The following BRINP3 variants were observed in gnomAD, a reference collection of about 807,000 sequenced individuals.
BRINP3 encodes BMP/retinoic acid-inducible neural-specific protein 3.
BRINP3 carries 19 observed loss-of-function variants against 71.0 expected under a neutral mutation model. The observed-to-expected ratio is 0.27, with a 90% CI of 0.19 to 0.39. The LOEUF (loss-of-function observed/expected upper bound fraction) is 0.39, where lower values mean the gene tolerates loss of function less well. Ranked by LOEUF, BRINP3 falls within the 10% of genes least tolerant of loss-of-function variation. The probability of loss-of-function intolerance (pLI) is 1.00; values close to 1 mark genes in which losing one functional copy is unlikely to be tolerated. For missense variants in BRINP3, 959 were observed against 940.8 expected, an observed-to-expected ratio of 1.02 and a Z score of -0.25; for synonymous variants, 380 against 337.7, an observed-to-expected ratio of 1.13 and a Z score of -1.37.
At chr1:190,403,282 T>C (rs1250848120) in intron 2 of BRINP3, among the ~76,000 whole-genome samples, 1 of 152,188 alleles carries the variant, frequency 6.6e-6, no homozygotes, top group Non-Finnish European at 1.5e-5. Context: ...ATGTGTCAAA[T>C]TAAGAAATTC....
chr1:190,324,024 C>T (rs551023868), intron 2 of BRINP3, among the ~76,000 whole-genome samples: 3 of 151,736 alleles, frequency 2.0e-5, no homozygotes, highest in Non-Finnish European at 4.4e-5. Context: ...TGCTTTTTGT[C>T]CATTTACAGG....
chr1:190,369,610 T>G (rs866904601), intron 2 of BRINP3, among the ~76,000 whole-genome samples: 1 of 151,810 alleles, frequency 6.6e-6, no homozygotes, highest in Non-Finnish European at 1.5e-5. Flanking sequence ...ACAATGTGTT[T>G]TCTAAAATAC....
intron 6 of BRINP3, among the ~76,000 whole-genome samples, chr1:190,179,118 AAT>A (rs1022781859): frequency 7.2e-5 from 11 of 152,140 alleles, no homozygotes; most frequent in African/African-American, 2.7e-4. Flanking sequence ...GGAGGCCCTT[AAT>A]ATATTTAAGT....
intron 2 of BRINP3, among the ~76,000 whole-genome samples, chr1:190,411,408 A>G (rs1202009350): frequency 6.6e-6 from 1 of 152,182 alleles, no homozygotes; most frequent in African/African-American, 2.4e-5. Flanking sequence ...AAGACAAGGA[A>G]AAAGCAATAC....
intron 1 of BRINP3, among the ~76,000 whole-genome samples, chr1:190,467,364 T>A (rs1676828226): frequency 6.6e-6 from 1 of 151,412 alleles, no homozygotes; most frequent in African/African-American, 2.4e-5. Context: ...GTACATTTTT[T>A]AAAAAAAGGG....
At chr1:190,132,636 T>C (rs1311220319) in intron 7 of BRINP3, among the ~76,000 whole-genome samples, 1 of 152,100 alleles carries the variant, frequency 6.6e-6, no homozygotes, top group African/African-American at 2.4e-5. Flanking sequence ...AATGTGCATT[T>C]ATTCAGAACT....
At chr1:190,360,361 T>G (rs540221318) in intron 2 of BRINP3, among the ~76,000 whole-genome samples, 1 of 152,298 alleles carries the variant, frequency 6.6e-6, no homozygotes, top group Admixed American at 6.5e-5. Flanking sequence ...GAAGCAGGAC[T>G]ATCTCAACAA....
intron 6 of BRINP3, among the ~76,000 whole-genome samples, chr1:190,178,553 A>G (rs905136035): frequency 6.6e-6 from 1 of 152,144 alleles, no homozygotes; most frequent in Non-Finnish European, 1.5e-5. Context: ...GAAATTAGGT[A>G]AAAATGTTGA....
intron 5 of BRINP3, among the ~76,000 whole-genome samples, chr1:190,227,663 A>G (rs916797006): frequency 6.6e-6 from 1 of 151,930 alleles, no homozygotes; most frequent in Non-Finnish European, 1.5e-5. Context: ...ACATTATTTG[A>G]CAGATGTATA....
At chr1:190,412,304 C>A (rs1672718142) in intron 2 of BRINP3, among the ~76,000 whole-genome samples, 1 of 150,260 alleles carries the variant, frequency 6.7e-6, no homozygotes, top group Admixed American at 6.7e-5. Context: ...ATTATTTCTA[C>A]AATCTTGTGA....
At chr1:190,461,186 C>A (rs1157767973) in intron 1 of BRINP3, among the ~76,000 whole-genome samples, 1 of 152,160 alleles carries the variant, frequency 6.6e-6, no homozygotes, top group Non-Finnish European at 1.5e-5. Flanking sequence ...CTATCCATAT[C>A]TTTCTTATGT....
chr1:190,112,401 C>T (rs1298834570), intron 7 of BRINP3, among the ~76,000 whole-genome samples: 5 of 152,012 alleles, frequency 3.3e-5, no homozygotes, highest in Non-Finnish European at 7.4e-5. Flanking sequence ...AAAATATTAA[C>T]TGAAATGAGA....
intron 2 of BRINP3, among the ~76,000 whole-genome samples, chr1:190,329,906 T>C (rs1666854211): frequency 6.6e-6 from 1 of 151,686 alleles, no homozygotes; most frequent in African/African-American, 2.4e-5. Context: ...CACTCTAATA[T>C]ATGGTGCTGG....
chr1:190,461,228 C>G (rs981295033), intron 1 of BRINP3, among the ~76,000 whole-genome samples: 3 of 152,118 alleles, frequency 2.0e-5, no homozygotes, highest in Admixed American at 1.3e-4. Context: ...AACCAAACAC[C>G]AACTTTGTTT....
chr1:190,362,933 T>A (rs991729919), intron 2 of BRINP3, among the ~76,000 whole-genome samples: 4 of 152,300 alleles, frequency 2.6e-5, no homozygotes, highest in Non-Finnish European at 5.9e-5. Context: ...TCTATTTTTT[T>A]AATTTTAAAA....
chr1:190,155,052 C>A (rs974433601), intron 7 of BRINP3, among the ~76,000 whole-genome samples: 1 of 152,054 alleles, frequency 6.6e-6, no homozygotes, highest in Non-Finnish European at 1.5e-5. Context: ...AAAGGCTTTT[C>A]TCATGAGTCC....
chr1:190,181,959 C>T (rs886816086), intron 6 of BRINP3, among the ~76,000 whole-genome samples: 3 of 151,958 alleles, frequency 2.0e-5, no homozygotes, highest in African/African-American at 4.8e-5. Context: ...CATTCAATTT[C>T]AGAAGATTTT....
chr1:190,301,166 C>CATATATATATATATATATGT (rs1266032791), intron 2 of BRINP3, among the ~76,000 whole-genome samples: 10 of 38,018 alleles, frequency 2.6e-4, no homozygotes, highest in African/African-American at 6.4e-4. Context: ...TATATATATA[C>CATATATATATATATATATGT]ATATATATAC....
intron 7 of BRINP3, among the ~76,000 whole-genome samples, chr1:190,158,662 T>C (rs1047906460): frequency 6.6e-6 from 1 of 151,748 alleles, no homozygotes; most frequent in African/African-American, 2.4e-5. Context: ...GTGAAAATTC[T>C]CAAATTAATA....
Sources: gnomAD v4.1 joint callset for allele counts (sites outside exome capture counted in the v4.1 genomes callset) on GRCh38, gnomAD v4.1.1 for gene constraint, MANE v1.5 for transcripts, NCBI Gene and HGNC (gene_info 2026-07-23, HGNC 2026-07-21) for gene names.